Variants in KDM2A observed in about 807,000 individuals in gnomAD.
KDM2A encodes the protein lysine demethylase 2A, also known as lysine-specific demethylase 2A.
A neutral mutation model predicts 137.3 loss-of-function variants in KDM2A; 3 were observed. That is an observed-to-expected ratio of 0.02 (90% confidence interval 0.01 to 0.06). The LOEUF (loss-of-function observed/expected upper bound fraction) is 0.06. KDM2A is among the 10% of genes least tolerant of loss of function. The pLI, the probability that KDM2A is intolerant of heterozygous loss-of-function variation, is 1.00. For synonymous variants in KDM2A, 512 were observed against 541.5 expected (o/e 0.95, Z 0.76); for missense variants, 738 against 1,510.6 (o/e 0.49, Z 8.48).
intron 2 of KDM2A, among the ~76,000 whole-genome samples, chr11:67,135,782 G>C (rs1269593769): frequency 3.3e-5 from 5 of 152,114 alleles, no homozygotes; most frequent in Admixed American, 6.6e-5. Flanking sequence ...AGAACTTGTG[G>C]ACAGTGCTAC....
At chr11:67,238,321 C>G (rs939499222) in intron 12 of KDM2A, among the ~76,000 whole-genome samples, 1 of 152,096 alleles carries the variant, frequency 6.6e-6, no homozygotes, top group Non-Finnish European at 1.5e-5. Context: ...CTTGAACTTA[C>G]GTTTGTTTTA....
At chr11:67,134,044 G>A (rs1855918599) in intron 2 of KDM2A, among the ~76,000 whole-genome samples, 1 of 152,218 alleles carries the variant, frequency 6.6e-6, no homozygotes, top group African/African-American at 2.4e-5. Context: ...AAGTTGTACA[G>A]TGTGCTTTCT....
In KDM2A at chr11:67,243,004, C is replaced by A. The variant is rs779838752; in HGVS notation, c.1480-5C>A. ...ATTTTTCCTTCTTTTCCCTCCTACC[C>A]TTAGATTTTGCTGGAGGAGCTTGCC... On this transcript the variant is annotated splice_region_variant and splice_polypyrimidine_tract_variant and intron_variant, in intron 12 of 20. Transcript: ENST00000529006. 6 of 1,613,206 alleles carry A rather than the reference C, an allele frequency of 3.7e-6. No homozygotes were observed. The highest frequency in any genetic ancestry group is 5.1e-6 in the Non-Finnish European group (6 of 1,179,302).
chr11:67,127,040 A>T (rs1325375969), intron 2 of KDM2A, among the ~76,000 whole-genome samples: 4 of 152,170 alleles, frequency 2.6e-5, no homozygotes, highest in African/African-American at 9.7e-5. Context: ...TGGGAGGGAT[A>T]GAAGCTTCCT....
intron 2 of KDM2A, among the ~76,000 whole-genome samples, chr11:67,137,535 A>G (rs1412669712): frequency 6.6e-6 from 1 of 152,092 alleles, no homozygotes; most frequent in African/African-American, 2.4e-5. Context: ...CTTTTCATTG[A>G]ATGTTTTGAG....
intron 17 of KDM2A, chr11:67,252,398 CTTGCTATGG>C: frequency 2.5e-6 from 1 of 403,850 alleles, no homozygotes. Context: ...TAGACTGTTG[CTTGCTATGG>C]GTCCCTAACA....
intron 12 of KDM2A, among the ~76,000 whole-genome samples, chr11:67,233,206 C>A (rs1234409655): frequency 6.6e-6 from 1 of 151,816 alleles, no homozygotes; most frequent in African/African-American, 2.4e-5. Context: ...TTATTTTAAG[C>A]TACTTTTAAG....
At chr11:67,210,468 T>C (rs1857946626) in intron 6 of KDM2A, among the ~76,000 whole-genome samples, 1 of 152,252 alleles carries the variant, frequency 6.6e-6, no homozygotes, top group African/African-American at 2.4e-5. Context: ...CTATTCCACA[T>C]GAAGCCTTTT....
chr11:67,225,124 G>A (rs867061338), intron 10 of KDM2A, among the ~76,000 whole-genome samples: 6 of 151,906 alleles, frequency 3.9e-5, no homozygotes, highest in South Asian at 2.1e-4. Flanking sequence ...CATCACGCCC[G>A]GCGGCTGCAG....
intron 6 of KDM2A, 130 bp downstream of exon 6, chr11:67,207,818 A>T (rs1167526942): frequency 1.1e-5 from 7 of 622,414 alleles, no homozygotes; most frequent in Non-Finnish European, 1.8e-5. Context: ...TGAGCTGAGG[A>T]GTTTGAGAGC....
At chr11:67,153,417 G>A (rs909722802) in intron 2 of KDM2A, among the ~76,000 whole-genome samples, 1 of 152,122 alleles carries the variant, frequency 6.6e-6, no homozygotes, top group African/African-American at 2.4e-5. Flanking sequence ...AAGAATGAGG[G>A]AAATTTGGTT....
In KDM2A at chr11:67,219,418, G is replaced by GT; in HGVS notation, c.957+16dup. 1 of 1,442,844 alleles carries GT rather than the reference G, an allele frequency of 6.9e-7. No homozygotes were observed. Among genetic ancestry groups the GT allele is most frequent in the Non-Finnish European group, 9.6e-7 (1 of 1,041,280 alleles). 89.4% of individuals were successfully genotyped at this position (1,442,844 alleles called of 1,614,324 possible). A position where few individuals can be genotyped will look rare whatever the true frequency, so the allele number is the denominator to read the frequency against. ...ATCGGACACGGGTAAGTAATCTTAT[G>GT]TAACAGTTGCATGTGAAGAGGTTTA... is the stretch of plus-strand genomic sequence containing the variant. On this transcript the variant is annotated intron_variant, in intron 10 of 20. Coordinates refer to ENST00000529006, the MANE Select transcript of KDM2A (RefSeq NM_012308.3).
chr11:67,157,395 CTTT>C (rs895024233), intron 2 of KDM2A, among the ~76,000 whole-genome samples: 7 of 150,196 alleles, frequency 4.7e-5, no homozygotes, highest in Non-Finnish European at 1.0e-4. Flanking sequence ...GTGTGATTGA[CTTT>C]TTAAGTAGTA....
intron 2 of KDM2A, among the ~76,000 whole-genome samples, chr11:67,122,505 T>G (rs1855619378): frequency 6.6e-6 from 1 of 151,860 alleles, no homozygotes; most frequent in Admixed American, 6.6e-5. Flanking sequence ...TTTTGTATTT[T>G]TAGTAGAGAA....
At chr11:67,247,824 G>A (rs560808634) in intron 15 of KDM2A, among the ~76,000 whole-genome samples, 1 of 152,270 alleles carries the variant, frequency 6.6e-6, no homozygotes, top group South Asian at 2.1e-4. Context: ...CCAAAGAATT[G>A]GTGAAATAGG....
chr11:67,245,687 C>T lies in KDM2A; in HGVS notation c.1833+229C>T. On this transcript the variant is annotated intron_variant, in intron 14 of 20. Coordinates refer to ENST00000529006, the MANE Select transcript of KDM2A (RefSeq NM_012308.3). This position sits in a 1 kb window ranked among gnomAD's most constrained non-coding sequence, Gnocchi z 4.1. The stretch of plus-strand genomic sequence containing the variant: ...ACCTAATTTTCAAACAAGAGATTAG[C>T]ATTTGAAGGGCAAATCATTGCTTTC... 1.6e-6 allele frequency: 1 copy of T among 614,792 alleles called. No homozygotes were observed. Among genetic ancestry groups the T allele is most frequent in the Non-Finnish European group, 2.8e-6 (1 of 357,972 alleles). The allele number at this position is 614,792 out of a possible 1,614,324, so 38.1% of individuals were successfully genotyped here.
chr11:67,243,116 T>A (rs1859099956), intron 13 of KDM2A, 24 bp downstream of exon 13: 1 of 1,543,290 alleles, frequency 6.5e-7, no homozygotes, highest in Admixed American at 1.7e-5. Context: ...TTCCTTGATC[T>A]TTAGGCTGCT....
intron 2 of KDM2A, among the ~76,000 whole-genome samples, chr11:67,173,365 G>A (rs1188015224): frequency 9.9e-5 from 15 of 152,116 alleles, no homozygotes; most frequent in Admixed American, 8.5e-4. Flanking sequence ...CAGGTGATCC[G>A]CCCGCCTTGG....
intron 2 of KDM2A, among the ~76,000 whole-genome samples, chr11:67,140,658 C>T (rs1334822313): frequency 6.6e-6 from 1 of 152,046 alleles, no homozygotes; most frequent in African/African-American, 2.4e-5. Context: ...GAGGCTGGAG[C>T]AGGAGAGTTG....
Sources: gnomAD v4.1 joint callset for allele counts (sites outside exome capture counted in the v4.1 genomes callset) on GRCh38, gnomAD v4.1.1 for gene constraint, Gnocchi (gnomAD v3.1) non-coding constraint, MANE v1.5 for transcripts, NCBI Gene and HGNC (gene_info 2026-07-23, HGNC 2026-07-21) for gene names.